CFAP57: variants seen among roughly 807,000 people sequenced by gnomAD.
CFAP57 encodes cilia- and flagella-associated protein 57.
In CFAP57, 116 loss-of-function variants were observed where a neutral mutation model predicts 146.8. The observed-to-expected ratio is 0.79, with a 90% CI of 0.68 to 0.92. The LOEUF (loss-of-function observed/expected upper bound fraction) is 0.92, where lower values mean the gene tolerates loss of function less well. Ranked by LOEUF, CFAP57 falls within the 40% of genes least tolerant of loss-of-function variation. The pLI, the probability that CFAP57 is intolerant of heterozygous loss-of-function variation, is 0.00. For missense variants in CFAP57, 1,377 were observed against 1,527.2 expected (o/e 0.90, Z 1.64); for synonymous variants, 518 against 552.8 (o/e 0.94, Z 0.88).
At chr1:43,246,109 A>T (rs1305078012) in intron 22 of CFAP57, among the ~76,000 whole-genome samples, 1 of 152,254 alleles carries the variant, frequency 6.6e-6, no homozygotes, top group Non-Finnish European at 1.5e-5. Flanking sequence ...ACCCAAAGTG[A>T]TCTGCAGATT....
rs879822222 is a variant in CFAP57, at chr1:43,221,379, G to T, written c.2255G>T (p.Arg752Ile). ...AATGTGACTCTGTTTTAGGTCTTAA[G>T]AACAGAAAAAGAGAAGCAGGATGTT... ...ESLKTKNQVL[R>I]TEKEKQDVYH... The change falls in exon 14 of 23, where the codon AGA becomes ATA. Residue 752 changes from arginine (R) to isoleucine (I), a missense_variant. Arg to Ile is a moderately conservative substitution (Grantham distance 97, BLOSUM62 -3). Transcript: ENST00000372492. 3.9e-6 allele frequency: 6 copies of T among 1,542,060 alleles called. No homozygotes were observed. Among genetic ancestry groups the T allele is most frequent in the Middle Eastern group, 3.3e-4 (2 of 5,982 alleles).
chr1:43,203,368 A>C (rs1054867630), intron 9 of CFAP57, among the ~76,000 whole-genome samples: 1 of 152,168 alleles, frequency 6.6e-6, no homozygotes, highest in African/African-American at 2.4e-5. Context: ...GTTATGTTCT[A>C]TGAGGCCAAA....
intron 2 of CFAP57, among the ~76,000 whole-genome samples, chr1:43,179,617 C>T (rs754712838): frequency 2.0e-5 from 3 of 152,116 alleles, no homozygotes; most frequent in Non-Finnish European, 4.4e-5. Flanking sequence ...TGTTCCTTTG[C>T]CTCATCTAGG....
chr1:43,200,929 G>A (rs149110277), intron 9 of CFAP57, among the ~76,000 whole-genome samples: 1 of 152,332 alleles, frequency 6.6e-6, no homozygotes, highest in East Asian at 1.9e-4. Flanking sequence ...AAGGATTAGA[G>A]TGGAAGGAAA....
chr1:43,228,089 G>A (rs1470419891), intron 18 of CFAP57, among the ~76,000 whole-genome samples: 1 of 152,168 alleles, frequency 6.6e-6, no homozygotes, highest in African/African-American at 2.4e-5. Context: ...AGAGGCCTGA[G>A]TGAACTCCCC....
chr1:43,237,194 G>A (rs1275949377), intron 21 of CFAP57, among the ~76,000 whole-genome samples: 2 of 152,136 alleles, frequency 1.3e-5, no homozygotes, highest in Non-Finnish European at 2.9e-5. Context: ...GAAGGCCACA[G>A]CAAACATGGC....
At chr1:43,198,733 G>C in intron 8 of CFAP57, 87 bp downstream of exon 8, 1 of 1,461,548 alleles carries the variant, frequency 6.8e-7, no homozygotes, top group East Asian at 2.3e-5. Context: ...CTGGGGAGGT[G>C]GGACCAAAAT....
At chr1:43,222,390 T>C in intron 15 of CFAP57, 95 bp downstream of exon 15, 1 of 1,143,378 alleles carries the variant, frequency 8.7e-7, no homozygotes, top group Non-Finnish European at 1.2e-6. Flanking sequence ...TGCCAGGATG[T>C]GTTATACACT....
intron 18 of CFAP57, among the ~76,000 whole-genome samples, chr1:43,227,764 C>G (rs1645308718): frequency 6.6e-6 from 1 of 152,204 alleles, no homozygotes; most frequent in Admixed American, 6.5e-5. Context: ...TCAGCCTCCC[C>G]TGCTGGGCTG....
Position 43,224,126 on chromosome 1 carries a change from A to C in CFAP57, c.2787A>C (p.Gly929=), listed in dbSNP as rs1645152927. 6.4e-7 allele frequency: 1 copy of C among 1,550,596 alleles called. No homozygotes were observed. Residue 929 remains glycine (G), a synonymous_variant, in exon 17 of 23, where the codon GGA becomes GGC. Coordinates refer to ENST00000372492, the MANE Select transcript of CFAP57 (RefSeq NM_001378189.1). ...TLKGEQMKLQ[G]VIKSLEKDIQ... is the part of the protein sequence containing the mutation. ...AAGGAGAGCAGATGAAGCTGCAAGG[A>C]GTCATTAAGTCTCTGGAGAAGGACA...
Position 43,215,156 on chromosome 1 carries a change from C to T in CFAP57, c.1930-99C>T, listed in dbSNP as rs115090798. 121 of 1,403,908 alleles carry T rather than the reference C, an allele frequency of 8.6e-5. No homozygotes were observed. In the African/African-American group the frequency reaches 1.6e-3, roughly 19 times the overall value. 87.0% of individuals were successfully genotyped at this position (1,403,908 alleles called of 1,614,324 possible). ...AAGTTTACCTCCCTGTGAGGCTGTG[C>T]CCAGGATTGCATGGGGGGAAGCCTT... On this transcript the variant is annotated intron_variant, in intron 11 of 22. Coordinates refer to ENST00000372492, the MANE Select transcript of CFAP57 (RefSeq NM_001378189.1).
At chr1:43,176,738 C>T (rs953934962) in intron 2 of CFAP57, among the ~76,000 whole-genome samples, 6 of 152,030 alleles carry the variant, frequency 3.9e-5, no homozygotes, top group African/African-American at 1.4e-4. Flanking sequence ...TAAGAACAAA[C>T]AAAGCATGGA....
intron 2 of CFAP57, among the ~76,000 whole-genome samples, chr1:43,178,265 G>A (rs926048371): frequency 3.3e-5 from 5 of 152,058 alleles, no homozygotes; most frequent in Non-Finnish European, 5.9e-5. Flanking sequence ...AAGCAATGGC[G>A]ACAAAAGCCA....
intron 17 of CFAP57, 33 bp from the exon 18 acceptor site, chr1:43,226,950 A>G (rs983918644): frequency 1.6e-5 from 24 of 1,469,544 alleles, no homozygotes; most frequent in African/African-American, 2.9e-5. Context: ...GGGCCTTACA[A>G]TATCTCTCAC....
chr1:43,193,198 G>A (rs776283527), intron 6 of CFAP57, among the ~76,000 whole-genome samples: 4 of 152,096 alleles, frequency 2.6e-5, no homozygotes, highest in Admixed American at 6.6e-5. Context: ...TTTTGTTGTT[G>A]CTGTTTGTAT....
At chr1:43,194,126 G>A (rs1643717649) in intron 6 of CFAP57, among the ~76,000 whole-genome samples, 1 of 151,974 alleles carries the variant, frequency 6.6e-6, no homozygotes, top group African/African-American at 2.4e-5. Context: ...ATTTCCTTTA[G>A]TATTTTCTGT....
At chr1:43,185,055 C>T in intron 4 of CFAP57, 94 bp from the exon 5 acceptor site, 1 of 1,379,652 alleles carries the variant, frequency 7.2e-7, no homozygotes, top group Admixed American at 1.7e-5. Flanking sequence ...TGGTTTCTGT[C>T]ACACCCAGTG....
rs752235868 is a variant in CFAP57 at position 43,198,469 on chromosome 1, T to A, written c.1263-12T>A. On this transcript the variant is annotated splice_polypyrimidine_tract_variant and intron_variant, in intron 7 of 22. Coordinates refer to ENST00000372492, the MANE Select transcript of CFAP57 (RefSeq NM_001378189.1). ...GCTAAGCTTACAATTCAGTAATTGA[T>A]CTTTTTCACAGCACCCTGGAACTAT... The A allele has an allele frequency of 3.6e-5, 58 of 1,613,764 alleles. No homozygotes were observed. The highest frequency in any genetic ancestry group is 1.3e-4 in the Admixed American group (8 of 60,020).
intron 2 of CFAP57, among the ~76,000 whole-genome samples, chr1:43,177,771 A>G (rs984027910): frequency 6.6e-6 from 1 of 152,220 alleles, no homozygotes. Context: ...TGCACAGTTC[A>G]CAACAGGGTT....
Sources: gnomAD v4.1 joint callset for allele counts (sites outside exome capture counted in the v4.1 genomes callset) on GRCh38, gnomAD v4.1.1 for gene constraint, MANE v1.5 for transcripts, NCBI Gene and HGNC (gene_info 2026-07-23, HGNC 2026-07-21) for gene names.